The following VWA3B variants were observed in gnomAD, a reference collection of about 807,000 sequenced individuals.
VWA3B encodes von Willebrand factor A domain-containing protein 3B.
VWA3B carries 138 observed loss-of-function variants against 158.3 expected under a neutral mutation model. The observed-to-expected ratio is 0.87, with a 90% CI of 0.76 to 1.00. The LOEUF (loss-of-function observed/expected upper bound fraction) is 1.00. Ranked by LOEUF, VWA3B falls within the 50% of genes least tolerant of loss-of-function variation. The pLI, the probability that VWA3B is intolerant of heterozygous loss-of-function variation, is 0.00. For missense variants in VWA3B, 1,555 were observed against 1,565.1 expected (o/e 0.99, Z 0.11); for synonymous variants, 596 against 587.3 (o/e 1.01, Z -0.21).
At chr2:98,150,618 C>A (rs1677545203) in intron 7 of VWA3B, among the ~76,000 whole-genome samples, 1 of 152,104 alleles carries the variant, frequency 6.6e-6, no homozygotes, top group African/African-American at 2.4e-5. Flanking sequence ...GTCTAAAGAC[C>A]CTTTTGCCCA....
intron 14 of VWA3B, among the ~76,000 whole-genome samples, chr2:98,222,562 T>C (rs1234707164): frequency 6.6e-6 from 1 of 152,158 alleles, no homozygotes; most frequent in Non-Finnish European, 1.5e-5. Flanking sequence ...TAGTGGCCCC[T>C]TGCAGAAGAT....
rs376428859 is a variant in VWA3B at position 98,278,880 on chromosome 2, C to T, written c.3045+7997C>T. Reference sequence around the variant, plus strand: ...TGCCTTCTACCCAGTATTTCCCTGCCTCCTGTCCATATCAGTGGGCAGGAA... The same window carrying T: ...TGCCTTCTACCCAGTATTTCCCTGCTTCCTGTCCATATCAGTGGGCAGGAA... On this transcript the variant is annotated intron_variant, in intron 22 of 27. Transcript: ENST00000477737. 1.2e-4 allele frequency among the ~76,000 whole-genome samples: 18 copies of T among 152,310 alleles called. No individual in the cohort carries two copies. In the South Asian group the frequency reaches 3.7e-3, roughly 32 times the overall value.
intron 19 of VWA3B, among the ~76,000 whole-genome samples, chr2:98,244,441 G>A (rs62156714): frequency 0.039 from 5,910 of 152,012 alleles, 171 homozygotes; most frequent in Middle Eastern, 0.075. Flanking sequence ...TATCTCTTAA[G>A]CTGTTTTTCA....
intron 2 of VWA3B, among the ~76,000 whole-genome samples, chr2:98,109,232 T>C (rs1019985230): frequency 1.3e-5 from 2 of 152,182 alleles, no homozygotes; most frequent in African/African-American, 2.4e-5. Flanking sequence ...CCTCGGGTGA[T>C]CTGACAACCT....
intron 7 of VWA3B, among the ~76,000 whole-genome samples, chr2:98,153,897 T>A (rs1677841263): frequency 6.6e-6 from 1 of 152,224 alleles, no homozygotes; most frequent in South Asian, 2.1e-4. Context: ...AGTCTCGCTC[T>A]GTCACCCAGG....
At chr2:98,231,075 C>T (rs766475193) in intron 16 of VWA3B, among the ~76,000 whole-genome samples, 4 of 152,080 alleles carry the variant, frequency 2.6e-5, no homozygotes, top group South Asian at 2.1e-4. Context: ...GAACATGTAA[C>T]GAAGTATGTG....
intron 22 of VWA3B, 98 bp downstream of exon 22, chr2:98,270,981 C>G: frequency 8.3e-7 from 1 of 1,197,858 alleles, no homozygotes; most frequent in Admixed American, 2.4e-5. Context: ...CCACTCCCCG[C>G]CACACTGATT....
intron 19 of VWA3B, among the ~76,000 whole-genome samples, chr2:98,239,442 G>A (rs1268510410): frequency 6.6e-6 from 1 of 152,012 alleles, no homozygotes; most frequent in African/African-American, 2.4e-5. Context: ...GACTGATTTA[G>A]GCATGGTGGT....
Position 98,217,892 on chromosome 2 carries a change from C to G in VWA3B, c.1883C>G (p.Pro628Arg). The G allele has an allele frequency of 6.2e-7, 1 of 1,611,608 alleles. No individual in the cohort carries two copies. The highest frequency in any genetic ancestry group is 1.1e-5 in the South Asian group (1 of 90,804). ...CAGGTCAAACGTTTTCAGGAAATTCCTATTTATACCATCTCCTTCAATTAC... is the reference window on the plus strand; with the variant it reads ...CAGGTCAAACGTTTTCAGGAAATTCGTATTTATACCATCTCCTTCAATTAC... ...IDQVKRFQEI[P>R]IYTISFNYND... Residue 628 changes from proline to arginine, a missense_variant, in exon 14 of 28, where the codon CCT (proline) becomes CGT (arginine). Coordinates refer to ENST00000477737, the MANE Select transcript of VWA3B (RefSeq NM_144992.5).
At chr2:98,215,240 A>T (rs1004477972) in intron 13 of VWA3B, among the ~76,000 whole-genome samples, 2 of 151,956 alleles carry the variant, frequency 1.3e-5, no homozygotes, top group Admixed American at 6.5e-5. Flanking sequence ...CAGGAGATCA[A>T]GACCATCCCG....
the VWA3B span, among the ~76,000 whole-genome samples, chr2:98,325,970 G>A: frequency 5.4e-3 from 824 of 152,220 alleles, 2 homozygotes; most frequent in African/African-American, 0.018. Context: ...TAAAAGAATT[G>A]CAGTCATATA....
intron 12 of VWA3B, among the ~76,000 whole-genome samples, chr2:98,200,076 C>G (rs537979927): frequency 3.9e-5 from 6 of 152,198 alleles, no homozygotes; most frequent in African/African-American, 1.4e-4. Flanking sequence ...CTCGTAGTAT[C>G]CTATTGTACT....
In VWA3B at chr2:98,096,400, C is replaced by G. The variant is rs569811781; in HGVS notation, c.196+3112C>G. ...TCTCTTGCTTCAGCCTCCCAAGTAG[C>G]TGGGATTACAGGCATGTGCCACCAT... is the stretch of plus-strand genomic sequence containing the variant. On this transcript the variant is annotated intron_variant, in intron 2 of 27. Transcript: ENST00000477737. 1.5e-3 allele frequency among the ~76,000 whole-genome samples: 229 copies of G among 152,222 alleles called. 1 individual carries two copies. The highest frequency in any genetic ancestry group is 2.3e-3 in the Non-Finnish European group (158 of 68,016).
At chr2:98,153,506 G>A (rs1383016461) in intron 7 of VWA3B, among the ~76,000 whole-genome samples, 1 of 152,176 alleles carries the variant, frequency 6.6e-6, no homozygotes, top group Non-Finnish European at 1.5e-5. Flanking sequence ...ACACATTCAG[G>A]CTGCTATGCT....
intron 19 of VWA3B, among the ~76,000 whole-genome samples, chr2:98,247,536 T>G (rs1335533060): frequency 6.6e-6 from 1 of 152,158 alleles, no homozygotes; most frequent in Admixed American, 6.5e-5. Flanking sequence ...AAAAGCATCT[T>G]TAGTTTTCTC....
intron 23 of VWA3B, among the ~76,000 whole-genome samples, chr2:98,294,662 G>A (rs1689697244): frequency 6.6e-6 from 1 of 152,250 alleles, no homozygotes; most frequent in Admixed American, 6.5e-5. Context: ...TCTGTGAGAA[G>A]CAGCATTTTA....
Position 98,179,671 on chromosome 2 carries a change from TTTTC to T in VWA3B, c.1115-1331_1115-1328del, listed in dbSNP as rs996957518. On this transcript the variant is annotated intron_variant, in intron 8 of 27. Coordinates refer to ENST00000477737, the MANE Select transcript of VWA3B (RefSeq NM_144992.5). ...CCTTTCTTTCTCTTTTTTCTCTTTC[TTTTC>T]TTTCTTTCTTTCTCTTCCTTTCTTT... Among the ~76,000 whole-genome samples the T allele has an allele frequency of 1.1e-3, 174 of 152,168 alleles. 1 individual carries two copies. The highest frequency in any genetic ancestry group is 3.8e-3 in the African/African-American group (158 of 41,536).
At chr2:98,281,059 G>A (rs577170409) in intron 22 of VWA3B, among the ~76,000 whole-genome samples, 3 of 152,318 alleles carry the variant, frequency 2.0e-5, no homozygotes, top group East Asian at 1.9e-4. Flanking sequence ...TCCCCGCCCC[G>A]GAGATGCTGG....
At chr2:98,294,187 C>A (rs1293650555) in intron 23 of VWA3B, among the ~76,000 whole-genome samples, 1 of 63,230 alleles carries the variant, frequency 1.6e-5, no homozygotes, top group African/African-American at 6.0e-5. Context: ...TTTTCCCTCA[C>A]ACACACACAC....
Sources: gnomAD v4.1 joint callset for allele counts (sites outside exome capture counted in the v4.1 genomes callset) on GRCh38, gnomAD v4.1.1 for gene constraint, MANE v1.5 for transcripts, NCBI Gene and HGNC (gene_info 2026-07-23, HGNC 2026-07-21) for gene names.